Variants in CTNNA2 observed in about 807,000 individuals in gnomAD.
CTNNA2 encodes the protein catenin alpha 2.
In CTNNA2, 42 loss-of-function variants were observed where a neutral mutation model predicts 101.0. The observed-to-expected ratio is 0.42, with a 90% CI of 0.32 to 0.54. The LOEUF (loss-of-function observed/expected upper bound fraction) is 0.54. Ranked by LOEUF, CTNNA2 falls within the 20% of genes least tolerant of loss-of-function variation. The pLI, the probability that CTNNA2 is intolerant of heterozygous loss-of-function variation, is 0.14. For missense variants in CTNNA2, 871 were observed against 1,223.1 expected, an observed-to-expected ratio of 0.71 and a Z score of 4.29; for synonymous variants, 450 against 456.4, an observed-to-expected ratio of 0.99 and a Z score of 0.18.
intron 3 of CTNNA2, among the ~76,000 whole-genome samples, chr2:79,857,493 G>T (rs902837104): frequency 2.6e-5 from 4 of 152,150 alleles, no homozygotes; most frequent in African/African-American, 9.7e-5. Flanking sequence ...TTGGCAAATT[G>T]GTTACTAAGA....
Position 79,357,060 on chromosome 2 carries a change from C to G in CTNNA2, c.-317-16771C>G, listed in dbSNP as rs569844592. On this transcript the variant is annotated intron_variant, in intron 3 of 21. Transcript: ENST00000466387. The stretch of plus-strand genomic sequence containing the variant: ...AACTCAATAGAGCTGGGTGGATTGG[C>G]TCACATCTGTAATCCTAACACTCTG... Among the ~76,000 whole-genome samples the G allele has an allele frequency of 2.6e-5, 4 of 152,268 alleles. No homozygotes were observed. The South Asian group carries it at 8.3e-4, about 32-fold the overall frequency.
chr2:80,546,748 T>G (rs1692108966), intron 11 of CTNNA2, among the ~76,000 whole-genome samples: 1 of 152,250 alleles, frequency 6.6e-6, no homozygotes, highest in Non-Finnish European at 1.5e-5. Context: ...TTTCAAGATT[T>G]GTCTACCAGC....
chr2:80,302,293 C>T lies in CTNNA2; in HGVS notation c.1057-90918C>T, dbSNP rs772913799. On this transcript the variant is annotated intron_variant, in intron 7 of 18. Coordinates refer to ENST00000402739, the MANE Select transcript of CTNNA2 (RefSeq NM_001282597.3). The surrounding 1 kb of genome is among the most constrained non-coding windows in gnomAD (Gnocchi z 6.4). The stretch of plus-strand genomic sequence containing the variant: ...TCGCGGGCTGCTGGTGGCAGGTACA[C>T]GAGCCATACTCGTTGATGATCACCA... 6.3e-7 allele frequency: 1 copy of T among 1,596,298 alleles called. No individual in the cohort carries two copies. The highest frequency in any genetic ancestry group is 1.4e-5 in the African/African-American group (1 of 74,032).
At chr2:79,740,468 G>C (rs929088626) in intron 2 of CTNNA2, among the ~76,000 whole-genome samples, 34 of 152,022 alleles carry the variant, frequency 2.2e-4, no homozygotes, top group African/African-American at 8.2e-4. Context: ...GCTTTCAGCT[G>C]ACACAAAAAG....
At chr2:79,388,674 G>T (rs2104469913) in intron 4 of CTNNA2, among the ~76,000 whole-genome samples, 1 of 152,178 alleles carries the variant, frequency 6.6e-6, no homozygotes, top group Non-Finnish European at 1.5e-5. Flanking sequence ...TTTCTGCAAA[G>T]ATCTAATGAG....
At chr2:80,176,238 C>T (rs1382812837) in intron 7 of CTNNA2, among the ~76,000 whole-genome samples, 1 of 152,190 alleles carries the variant, frequency 6.6e-6, no homozygotes, top group African/African-American at 2.4e-5. Context: ...CATAATATAG[C>T]TATCCTTTGT....
At chr2:80,363,758 A>T (rs942002580) in intron 7 of CTNNA2, among the ~76,000 whole-genome samples, 1 of 152,178 alleles carries the variant, frequency 6.6e-6, no homozygotes, top group Non-Finnish European at 1.5e-5. Context: ...GGAATAAAAT[A>T]TTTAAAACCC....
chr2:80,552,636 G>C lies in CTNNA2; in HGVS notation c.1541-3057G>C, dbSNP rs554703055. Among the ~76,000 whole-genome samples the C allele has an allele frequency of 3.3e-5, 5 of 152,222 alleles. 1 individual carries two copies. The South Asian group carries it at 1.0e-3, about 32-fold the overall frequency. On this transcript the variant is annotated intron_variant, in intron 11 of 18. Transcript: ENST00000402739. ...CATCACTGTGTGAACATCACATACT[G>C]TATTTACACACCTAGATGGTATTGC... is the stretch of plus-strand genomic sequence containing the variant.
intron 10 of CTNNA2, among the ~76,000 whole-genome samples, chr2:80,545,512 C>T (rs1573213321): frequency 6.6e-6 from 1 of 152,270 alleles, no homozygotes; most frequent in Non-Finnish European, 1.5e-5. Context: ...TGCCACTATA[C>T]TCTCCACTCC....
intron 4 of CTNNA2, among the ~76,000 whole-genome samples, chr2:79,414,943 G>A (rs554986936): frequency 1.3e-5 from 2 of 152,116 alleles, no homozygotes. Flanking sequence ...ACAGAATTTT[G>A]AGCAAATACA....
In CTNNA2 at chr2:80,556,607, A is replaced by G. The variant is rs139766036; in HGVS notation, c.1741+714A>G. On this transcript the variant is annotated intron_variant, in intron 12 of 18. Coordinates refer to ENST00000402739, the MANE Select transcript of CTNNA2 (RefSeq NM_001282597.3). ...GGGTAAAAAAAAATGCTTCCACTGA[A>G]TTAGAACAATCTACAACTCTGGAGA... Among the ~76,000 whole-genome samples, 69 of 152,306 alleles carry G rather than the reference A, an allele frequency of 4.5e-4. 3 individuals are homozygous for G. In the East Asian group the frequency reaches 0.012, roughly 26 times the overall value.
chr2:79,908,608 C>T (rs777355955), intron 6 of CTNNA2, among the ~76,000 whole-genome samples: 18 of 152,192 alleles, frequency 1.2e-4, no homozygotes, highest in Admixed American at 5.9e-4. Context: ...CATACCATCA[C>T]GCTCTACCCT....
At chr2:80,586,826 G>A (rs1429710931) in intron 14 of CTNNA2, among the ~76,000 whole-genome samples, 5 of 152,126 alleles carry the variant, frequency 3.3e-5, no homozygotes, top group Non-Finnish European at 5.9e-5. Flanking sequence ...GCTATTTAAA[G>A]CCACATACAT....
chr2:79,770,109 G>A (rs960833372), intron 3 of CTNNA2, among the ~76,000 whole-genome samples: 10 of 152,308 alleles, frequency 6.6e-5, no homozygotes, highest in Admixed American at 2.0e-4. Context: ...TCACAAGTTG[G>A]GGAGTGCTTC....
At chr2:80,478,902 C>T (rs1385023401) in intron 9 of CTNNA2, among the ~76,000 whole-genome samples, 1 of 151,782 alleles carries the variant, frequency 6.6e-6, no homozygotes, top group East Asian at 1.9e-4. Flanking sequence ...GATTTTTGTT[C>T]TAATTCTGTG....
chr2:79,729,669 A>C, intron 2 of CTNNA2, among the ~76,000 whole-genome samples: 1 of 152,072 alleles, frequency 6.6e-6, no homozygotes, highest in Non-Finnish European at 1.5e-5. Flanking sequence ...CAACCTGTTC[A>C]TTTCCCCTTT....
At chr2:79,697,722 C>T (rs1573713288) in intron 2 of CTNNA2, 1 of 152,088 alleles carries the variant, frequency 6.6e-6, no homozygotes, top group African/African-American at 2.4e-5. Context: ...TAAGCCCTTT[C>T]GTTCTTCCAG....
intron 3 of CTNNA2, among the ~76,000 whole-genome samples, chr2:79,853,293 A>G (rs1053759566): frequency 2.0e-5 from 3 of 152,056 alleles, no homozygotes; most frequent in African/African-American, 4.8e-5. Flanking sequence ...AGCAGGGACT[A>G]CCCTGGCAAT....
chr2:79,717,877 C>T (rs1028399367), intron 2 of CTNNA2, among the ~76,000 whole-genome samples: 2 of 152,136 alleles, frequency 1.3e-5, no homozygotes, highest in Non-Finnish European at 2.9e-5. Flanking sequence ...ACCTACCTTT[C>T]ACTCTGTAAT....
Sources: allele counts gnomAD v4.1 joint callset (sites outside exome capture counted in the v4.1 genomes callset), GRCh38; gene constraint gnomAD v4.1.1; non-coding constraint Gnocchi (gnomAD v3.1); transcripts MANE v1.5; gene names NCBI Gene and HGNC (gene_info 2026-07-23, HGNC 2026-07-21).